MBOAT2: variants seen among roughly 807,000 people sequenced by gnomAD.
MBOAT2 encodes membrane-bound glycerophospholipid O-acyltransferase 2.
Under a neutral mutation model 63.4 loss-of-function variants are expected in MBOAT2, and 28 were observed. That is an observed-to-expected ratio of 0.44 (90% CI 0.33 to 0.61). The LOEUF (loss-of-function observed/expected upper bound fraction) is 0.61, where lower values mean the gene tolerates loss of function less well. Ranked by LOEUF, MBOAT2 falls within the 20% of genes least tolerant of loss-of-function variation. MBOAT2 has a pLI of 0.03. For missense variants in MBOAT2, 470 were observed against 605.8 expected (o/e 0.78, Z 2.35); for synonymous variants, 211 against 215.6 (o/e 0.98, Z 0.19).
intron 1 of MBOAT2, among the ~76,000 whole-genome samples, chr2:8,967,825 A>G (rs777206858): frequency 2.0e-5 from 3 of 152,214 alleles, no homozygotes; most frequent in Non-Finnish European, 4.4e-5. Flanking sequence ...AAAAAAAATT[A>G]GATACAACTT....
chr2:8,962,057 A>T (rs1430403641), intron 1 of MBOAT2, among the ~76,000 whole-genome samples: 1 of 152,110 alleles, frequency 6.6e-6, no homozygotes, highest in Non-Finnish European at 1.5e-5. Context: ...CAACTTCCCC[A>T]GCTCATCACT....
intron 12 of MBOAT2, 96 bp downstream of exon 12, chr2:8,860,517 G>A: frequency 8.2e-7 from 1 of 1,212,736 alleles, no homozygotes; most frequent in Non-Finnish European, 1.2e-6. Flanking sequence ...AGGAAATGTG[G>A]CTATGGTACT....
chr2:8,974,139 A>C (rs1292573687), intron 1 of MBOAT2, among the ~76,000 whole-genome samples: 1 of 152,160 alleles, frequency 6.6e-6, no homozygotes, highest in African/African-American at 2.4e-5. Context: ...AAGAACCCAG[A>C]TGTTGTTCAG....
At chr2:8,894,741 G>C (rs370223421) in intron 4 of MBOAT2, among the ~76,000 whole-genome samples, 45 of 152,350 alleles carry the variant, frequency 3.0e-4, no homozygotes, top group African/African-American at 8.7e-4. Context: ...TGTGTCCGGA[G>C]TTTGTTCCTT....
At chr2:8,899,571 G>T (rs950889124) in intron 4 of MBOAT2, among the ~76,000 whole-genome samples, 5 of 152,194 alleles carry the variant, frequency 3.3e-5, no homozygotes, top group African/African-American at 1.2e-4. Context: ...TGGATCATCT[G>T]GTTGGGGGTT....
intron 1 of MBOAT2, among the ~76,000 whole-genome samples, chr2:8,979,906 G>A (rs1254532351): frequency 2.6e-5 from 4 of 152,070 alleles, no homozygotes; most frequent in African/African-American, 9.7e-5. Flanking sequence ...TGTCTCTTTA[G>A]GGCTAGGGAG....
intron 1 of MBOAT2, among the ~76,000 whole-genome samples, chr2:8,985,826 T>A (rs1671526148): frequency 6.6e-6 from 1 of 152,148 alleles, no homozygotes; most frequent in South Asian, 2.1e-4. Context: ...CTCCACACAG[T>A]AATGAGAGCT....
chr2:8,936,786 C>CCAAAAAAAAAA (rs1667689750), intron 3 of MBOAT2, among the ~76,000 whole-genome samples: 1 of 56,384 alleles, frequency 1.8e-5, no homozygotes, highest in Admixed American at 2.2e-4. Flanking sequence ...GACTCCGTCT[C>CCAAAAAAAAAA]AAAAAAAAAA....
At chr2:8,912,363 A>AAGAG (rs1329243077) in intron 3 of MBOAT2, among the ~76,000 whole-genome samples, 1 of 96,016 alleles carries the variant, frequency 1.0e-5, no homozygotes, top group African/African-American at 4.3e-5. Flanking sequence ...GAAAGAAAGA[A>AAGAG]AGAAAGAAAG....
intron 7 of MBOAT2, among the ~76,000 whole-genome samples, chr2:8,875,018 T>C (rs918810772): frequency 1.3e-5 from 2 of 152,172 alleles, no homozygotes; most frequent in Non-Finnish European, 2.9e-5. Flanking sequence ...TAAAAACAAA[T>C]TTCCACCTTG....
Position 8,858,662 on chromosome 2 carries a change from C to A in MBOAT2, c.*17G>T, listed in dbSNP as rs1270903845. On this transcript the variant is annotated 3_prime_UTR_variant, in exon 13 of 13. Coordinates refer to ENST00000305997, the MANE Select transcript of MBOAT2 (RefSeq NM_138799.4). ...GTTAACATCAAAAAAAAAAAACAGC[C>A]CTCAGAGCCTTCCCGATCACTGCTT... The A allele has an allele frequency of 1.9e-6, 3 of 1,570,646 alleles. No individual in the cohort carries two copies. The highest frequency in any genetic ancestry group is 1.4e-5 in the African/African-American group (1 of 73,082).
At chr2:8,994,733 G>C (rs1002879347) in intron 1 of MBOAT2, among the ~76,000 whole-genome samples, 1 of 152,184 alleles carries the variant, frequency 6.6e-6, no homozygotes, top group Non-Finnish European at 1.5e-5. Context: ...TATCATGCAT[G>C]CAAGATACCC....
intron 5 of MBOAT2, among the ~76,000 whole-genome samples, chr2:8,884,161 G>A (rs2148543386): frequency 6.9e-6 from 1 of 144,132 alleles, no homozygotes; most frequent in East Asian, 2.0e-4. Flanking sequence ...ACTTGAATCT[G>A]GGAAGTGGAG....
At chr2:8,869,274 TGGCCTCA>T (rs1419409521) in intron 8 of MBOAT2, among the ~76,000 whole-genome samples, 1 of 151,240 alleles carries the variant, frequency 6.6e-6, no homozygotes, top group Non-Finnish European at 1.5e-5. Flanking sequence ...CTCGAACTCC[TGGCCTCA>T]GGCCATCTTC....
At chr2:8,933,089 A>C (rs1667436564) in intron 3 of MBOAT2, among the ~76,000 whole-genome samples, 1 of 152,020 alleles carries the variant, frequency 6.6e-6, no homozygotes, top group African/African-American at 2.4e-5. Context: ...CAGCTGAATA[A>C]TTTTTTTTAT....
At position 8,907,821 on chromosome 2, in the gene MBOAT2, T is replaced by C. The variant is rs529649770; in HGVS notation, c.395+800A>G. ...TCCTCTTTCTCTTCTAAAACTCTCT[T>C]GTTTTATAGAAGTGATTTTTTTTCC... On this transcript the variant is annotated intron_variant, in intron 4 of 12. Coordinates refer to ENST00000305997, the MANE Select transcript of MBOAT2 (RefSeq NM_138799.4). Among the ~76,000 whole-genome samples, 307 of 152,294 alleles carry C rather than the reference T, an allele frequency of 2.0e-3. 1 individual carries two copies. The highest frequency in any genetic ancestry group is 0.019 in the South Asian group (93 of 4,830).
In MBOAT2 at chr2:8,868,424, A is replaced by C. The variant is rs749627185; in HGVS notation, c.987+22T>G. ...ATGGTACTTAAAGTATATAGTAACT[A>C]ACTTCTTAAAGATTGACTCACCTCT... On this transcript the variant is annotated intron_variant, in intron 9 of 12. Transcript: ENST00000305997. 6 of 1,594,392 alleles carry C rather than the reference A, an allele frequency of 3.8e-6. No homozygotes were observed. The South Asian group carries it at 5.5e-5, about 15-fold the overall frequency.
chr2:8,956,606 T>A (rs922757269), intron 2 of MBOAT2, among the ~76,000 whole-genome samples: 2 of 152,044 alleles, frequency 1.3e-5, no homozygotes, highest in Non-Finnish European at 2.9e-5. Flanking sequence ...GGTGGGAGGA[T>A]CAATCACCTG....
At chr2:8,889,948 G>T (rs556989139) in intron 4 of MBOAT2, among the ~76,000 whole-genome samples, 1 of 152,222 alleles carries the variant, frequency 6.6e-6, no homozygotes, top group South Asian at 2.1e-4. Context: ...GCGCTGGGAG[G>T]ACGGGTGACA....
Sources: allele counts gnomAD v4.1 joint callset (sites outside exome capture counted in the v4.1 genomes callset), GRCh38; gene constraint gnomAD v4.1.1; transcripts MANE v1.5; gene names NCBI Gene and HGNC (gene_info 2026-07-23, HGNC 2026-07-21).